ADARB2: variants seen among roughly 807,000 people sequenced by gnomAD.
ADARB2 encodes inactive double-stranded RNA-specific editase B2.
ADARB2 carries 25 observed loss-of-function variants against 62.2 expected under a neutral mutation model. The ratio of observed to expected loss-of-function variants is 0.40; its 90% CI spans 0.29 to 0.56. The LOEUF is 0.56. Ranked by LOEUF, ADARB2 falls within the 20% of genes least tolerant of loss-of-function variation. ADARB2 has a pLI of 0.43. For missense variants in ADARB2, 1,071 were observed against 1,077.4 expected, an observed-to-expected ratio of 0.99 and a Z score of 0.08; for synonymous variants, 572 against 500.8, an observed-to-expected ratio of 1.14 and a Z score of -1.90.
chr10:1,313,357 C>T (rs1424749608), intron 3 of ADARB2, among the ~76,000 whole-genome samples: 2 of 152,224 alleles, frequency 1.3e-5, no homozygotes, highest in Non-Finnish European at 2.9e-5. Context: ...CTGCTGCCTG[C>T]CAGGGGGTCC....
At chr10:1,209,661 TCACCCACACTCACATCCA>T (rs1245631077) in intron 7 of ADARB2, among the ~76,000 whole-genome samples, 1 of 138,948 alleles carries the variant, frequency 7.2e-6, no homozygotes, top group African/African-American at 2.7e-5. Context: ...GCCTGCACCG[TCACCCACACTCACATCCA>T]CACCCACACC....
chr10:1,507,874 T>C (rs1831871908), intron 1 of ADARB2, among the ~76,000 whole-genome samples: 1 of 152,200 alleles, frequency 6.6e-6, no homozygotes, highest in Non-Finnish European at 1.5e-5. Context: ...GGTGCCCTTC[T>C]TGCCGTCTTC....
intron 1 of ADARB2, among the ~76,000 whole-genome samples, chr10:1,613,466 T>C (rs760767350): frequency 1.3e-5 from 2 of 152,218 alleles, no homozygotes; most frequent in African/African-American, 2.4e-5. Flanking sequence ...AAAGCGAATT[T>C]GAAAATCCAC....
chr10:1,587,009 T>C (rs1833189551), intron 1 of ADARB2, among the ~76,000 whole-genome samples: 1 of 152,236 alleles, frequency 6.6e-6, no homozygotes, highest in African/African-American at 2.4e-5. Context: ...ATGAAGTCTA[T>C]AAACGTGCAC....
chr10:1,192,882 G>T (rs976271858), intron 8 of ADARB2, among the ~76,000 whole-genome samples: 20 of 152,258 alleles, frequency 1.3e-4, no homozygotes, highest in African/African-American at 4.6e-4. Context: ...GGCAGAGGTT[G>T]CAGTGAGCCG....
intron 1 of ADARB2, among the ~76,000 whole-genome samples, chr10:1,707,099 CAACA>C (rs973370150): frequency 2.6e-5 from 4 of 152,248 alleles, no homozygotes; most frequent in African/African-American, 9.6e-5. Context: ...ATTTCGATCA[CAACA>C]AACATTGTTT....
At chr10:1,244,845 G>T (rs1012038312) in intron 4 of ADARB2, among the ~76,000 whole-genome samples, 1 of 152,160 alleles carries the variant, frequency 6.6e-6, no homozygotes, top group African/African-American at 2.4e-5. Flanking sequence ...TCAGAGGCAC[G>T]GATAGGAAAG....
intron 6 of ADARB2, among the ~76,000 whole-genome samples, chr10:1,222,774 T>A (rs1830706358): frequency 6.7e-6 from 1 of 149,702 alleles, no homozygotes; most frequent in South Asian, 2.1e-4. Context: ...CATTGGTCTA[T>A]ATCTCTGTTT....
chr10:1,694,825 T>G (rs1391958630), intron 1 of ADARB2, among the ~76,000 whole-genome samples: 1 of 152,048 alleles, frequency 6.6e-6, no homozygotes, highest in Non-Finnish European at 1.5e-5. Context: ...TGAGCAGATG[T>G]CTGGGAGTGG....
intron 1 of ADARB2, among the ~76,000 whole-genome samples, chr10:1,458,868 C>T (rs201207739): frequency 8.6e-6 from 1 of 116,468 alleles, no homozygotes; most frequent in African/African-American, 3.1e-5. Context: ...AACAAACACT[C>T]AAAGAACAAA....
chr10:1,334,754 G>C (rs1035132649), intron 3 of ADARB2, among the ~76,000 whole-genome samples: 2 of 152,140 alleles, frequency 1.3e-5, no homozygotes, highest in African/African-American at 4.8e-5. Context: ...TTTTTTTAAA[G>C]GGTGTGTAAC....
Position 1,572,852 on chromosome 10 carries a change from G to A in ADARB2, c.100+164199C>T, listed in dbSNP as rs188160196. On this transcript the variant is annotated intron_variant, in intron 1 of 9. Coordinates refer to ENST00000381312, the MANE Select transcript of ADARB2 (RefSeq NM_018702.4). ...TGCTGGTGCTTCTGGGCCCCCAAAT[G>A]CTCCTAGTGCTCTTCTGCACCCACG... 2.0e-5 allele frequency among the ~76,000 whole-genome samples: 3 copies of A among 152,290 alleles called. No individual in the cohort carries two copies. In the East Asian group the frequency reaches 5.8e-4, roughly 29 times the overall value.
chr10:1,208,486 G>A (rs537506638), intron 7 of ADARB2, among the ~76,000 whole-genome samples: 13 of 152,188 alleles, frequency 8.5e-5, no homozygotes, highest in Non-Finnish European at 5.9e-5. Context: ...GCAGGCAGCC[G>A]GGCCCCATGC....
At chr10:1,411,537 G>GTGAC (rs1274223505) in intron 1 of ADARB2, among the ~76,000 whole-genome samples, 2 of 152,158 alleles carry the variant, frequency 1.3e-5, no homozygotes, top group Admixed American at 6.5e-5. Flanking sequence ...TCCTCCTCAG[G>GTGAC]TGACTTTCTG....
rs528656218 is a variant in ADARB2, at chr10:1,671,761, C to T, written c.100+65290G>A. Among the ~76,000 whole-genome samples, 18 of 152,208 alleles carry T rather than the reference C, an allele frequency of 1.2e-4. No homozygotes were observed. The East Asian group carries it at 3.5e-3, about 29-fold the overall frequency. ...AACCTGCAATAAGAGACGCTCCATA[C>T]GCTGCGTCAAATTGAGGAACATGCA... On this transcript the variant is annotated intron_variant, in intron 1 of 9. Transcript: ENST00000381312.
intron 1 of ADARB2, among the ~76,000 whole-genome samples, chr10:1,600,563 G>A (rs562518838): frequency 6.7e-5 from 10 of 148,526 alleles, no homozygotes; most frequent in East Asian, 4.0e-4. Context: ...TCCGAAGTCC[G>A]AGTCATGAGG....
At chr10:1,389,497 G>C (rs1426591516) in intron 1 of ADARB2, among the ~76,000 whole-genome samples, 1 of 152,114 alleles carries the variant, frequency 6.6e-6, no homozygotes, top group Non-Finnish European at 1.5e-5. Context: ...CTTCACTGTG[G>C]AAGACACTAC....
intron 3 of ADARB2, among the ~76,000 whole-genome samples, chr10:1,273,173 G>A (rs927553154): frequency 5.5e-5 from 8 of 145,546 alleles, no homozygotes; most frequent in African/African-American, 2.6e-5. Context: ...CCGTCATGGG[G>A]TTGGACGTGT....
chr10:1,230,358 C>G (rs1357981565), intron 6 of ADARB2, among the ~76,000 whole-genome samples: 2 of 152,134 alleles, frequency 1.3e-5, no homozygotes, highest in Admixed American at 6.5e-5. Context: ...CTGGATGTGT[C>G]CAGCTCCCGC....
Sources: gnomAD v4.1 joint callset for allele counts (sites outside exome capture counted in the v4.1 genomes callset) on GRCh38, gnomAD v4.1.1 for gene constraint, MANE v1.5 for transcripts, NCBI Gene and HGNC (gene_info 2026-07-23, HGNC 2026-07-21) for gene names.